TAFA4: variants seen among roughly 807,000 people sequenced by gnomAD.
TAFA4 encodes TAFA chemokine like family member 4, also known as chemokine-like protein TAFA-4.
Under a neutral mutation model 21.1 loss-of-function variants are expected in TAFA4, and 20 were observed. The ratio of observed to expected loss-of-function variants is 0.95; its 90% CI spans 0.67 to 1.38. The LOEUF (loss-of-function observed/expected upper bound fraction) is 1.38, where lower values mean the gene tolerates loss of function less well. TAFA4 is among the 40% of genes most tolerant of loss of function. The pLI, the probability that TAFA4 is intolerant of heterozygous loss-of-function variation, is 0.00. For synonymous variants in TAFA4, 71 were observed against 67.4 expected, an observed-to-expected ratio of 1.05 and a Z score of -0.26; for missense variants, 211 against 180.9, an observed-to-expected ratio of 1.17 and a Z score of -0.95.
intron 3 of TAFA4, among the ~76,000 whole-genome samples, chr3:68,846,513 T>C (rs1379498297): frequency 3.3e-5 from 5 of 152,122 alleles, no homozygotes; most frequent in African/African-American, 1.2e-4. Flanking sequence ...TGAGGCCTAC[T>C]TCTGTCAACT....
intron 3 of TAFA4, among the ~76,000 whole-genome samples, chr3:68,878,494 C>T (rs1335022760): frequency 1.3e-5 from 2 of 152,058 alleles, no homozygotes; most frequent in African/African-American, 2.4e-5. Flanking sequence ...GGCATCTTTC[C>T]ACTGCACAAA....
At chr3:68,926,545 C>T (rs1239792422) in intron 1 of TAFA4, among the ~76,000 whole-genome samples, 1 of 152,190 alleles carries the variant, frequency 6.6e-6, no homozygotes, top group Non-Finnish European at 1.5e-5. Flanking sequence ...AGACACTTTT[C>T]ACTACTCTGG....
At position 68,783,713 on chromosome 3, in the gene TAFA4, A is replaced by AAGAAAGAAAGAAAGAAAG. The variant is rs1553641277; in HGVS notation, c.131-30696_131-30695insCTTTCTTTCTTTCTTTCT. On this transcript the variant is annotated intron_variant, in intron 3 of 5. Transcript: ENST00000295569. ...AGAGAGAGAGAGAGAGAGAGAAAGAAAAAGAAAGAAAGAAAGAAAGAAAGA... is the reference window on the plus strand; with the variant it reads ...AGAGAGAGAGAGAGAGAGAGAAAGAAAGAAAGAAAGAAAGAAAGAAAGAAAGAAAGAAAGAAAGAAAGA... Among the ~76,000 whole-genome samples, 14 of 80,790 alleles carry AAGAAAGAAAGAAAGAAAG rather than the reference A, an allele frequency of 1.7e-4. No homozygotes were observed. In the East Asian group the frequency reaches 1.8e-3, roughly 10 times the overall value. 53.0% of individuals were successfully genotyped at this position (80,790 alleles called of 152,430 possible).
intron 1 of TAFA4, among the ~76,000 whole-genome samples, chr3:68,904,523 T>G (rs1018131378): frequency 6.6e-6 from 1 of 152,232 alleles, no homozygotes; most frequent in South Asian, 2.1e-4. Context: ...ATATTGCAAG[T>G]GTCTACGCAG....
At chr3:68,784,658 A>C (rs1340119699) in intron 3 of TAFA4, among the ~76,000 whole-genome samples, 2 of 152,178 alleles carry the variant, frequency 1.3e-5, no homozygotes, top group Non-Finnish European at 1.5e-5. Context: ...TATTGCAAAG[A>C]GCAAAAGAAC....
intron 3 of TAFA4, 99 bp downstream of exon 3, chr3:68,880,631 T>C: frequency 1.1e-6 from 1 of 937,312 alleles, no homozygotes; most frequent in Non-Finnish European, 1.7e-6. Flanking sequence ...TTACACACCA[T>C]CAGAAGCTCA....
intron 3 of TAFA4, among the ~76,000 whole-genome samples, chr3:68,832,841 C>A (rs1242009806): frequency 6.6e-6 from 1 of 152,226 alleles, no homozygotes; most frequent in Non-Finnish European, 1.5e-5. Context: ...GTGGGCTCTG[C>A]CCAGTTCAAG....
At chr3:68,920,649 T>A (rs1475993055) in intron 1 of TAFA4, among the ~76,000 whole-genome samples, 1 of 150,764 alleles carries the variant, frequency 6.6e-6, no homozygotes, top group Non-Finnish European at 1.5e-5. Flanking sequence ...ATTTTTTTTT[T>A]TTTTTTTTTT....
Position 68,885,252 on chromosome 3 carries a change from A to G in TAFA4, c.-64T>C, listed in dbSNP as rs1194731121. Reference sequence around the variant, plus strand: ...TATTTCAGAGTGACTCCAAATTCCCATCTGTTGCTAGAACCAATCATTTCT... The same window carrying G: ...TATTTCAGAGTGACTCCAAATTCCCGTCTGTTGCTAGAACCAATCATTTCT... On this transcript the variant is annotated 5_prime_UTR_variant, in exon 2 of 6. It removes an upstream start codon present in the reference 5' UTR. Transcript: ENST00000295569. 2 of 1,526,596 alleles carry G rather than the reference A, an allele frequency of 1.3e-6. No individual in the cohort carries two copies. Among genetic ancestry groups the G allele is most frequent in the Non-Finnish European group, 9.0e-7 (1 of 1,109,276 alleles). The allele number at this position is 1,526,596 out of a possible 1,614,324, so 94.6% of individuals were successfully genotyped here. A position where few individuals can be genotyped will look rare whatever the true frequency, so the allele number is the denominator to read the frequency against.
rs78313315 is a variant in TAFA4 at position 68,856,635 on chromosome 3, A to G, written c.130+24095T>C. On this transcript the variant is annotated intron_variant, in intron 3 of 5. Transcript: ENST00000295569. ...GATAATGAGGCAGGAACCTTGAGAT[A>G]AAAAGCAGATATTACAGGTTCCACT... Among the ~76,000 whole-genome samples the G allele has an allele frequency of 2.5e-3, 385 of 152,272 alleles. 2 individuals carry two copies. The highest frequency in any genetic ancestry group is 9.1e-3 in the African/African-American group (378 of 41,570).
chr3:68,752,930 C>A lies in TAFA4; in HGVS notation c.219G>T (p.Thr73=), dbSNP rs774084488. ...NKNRIEERSQ[T]VKCSCFPGQV... Reference sequence around the variant, plus strand: ...GTCCCGGGAAGCAAGAGCACTTGACCGTTTGTGACCGCTCTTCTATGCGGT... The same window carrying A: ...GTCCCGGGAAGCAAGAGCACTTGACAGTTTGTGACCGCTCTTCTATGCGGT... Residue 73 remains threonine, a synonymous_variant, in exon 4 of 6, where the codon ACG becomes ACT. Coordinates refer to ENST00000295569, the MANE Select transcript of TAFA4 (RefSeq NM_182522.5). 1 of 1,614,026 alleles carries A rather than the reference C, an allele frequency of 6.2e-7. No homozygotes were observed. The highest frequency in any genetic ancestry group is 8.5e-7 in the Non-Finnish European group (1 of 1,180,026).
At chr3:68,862,081 G>A (rs2089352274) in intron 3 of TAFA4, among the ~76,000 whole-genome samples, 1 of 151,824 alleles carries the variant, frequency 6.6e-6, no homozygotes, top group Non-Finnish European at 1.5e-5. Flanking sequence ...TGACAGGACA[G>A]CTTCCCAAGT....
At chr3:68,755,970 C>A (rs553619035) in intron 3 of TAFA4, among the ~76,000 whole-genome samples, 1 of 152,140 alleles carries the variant, frequency 6.6e-6, no homozygotes, top group Non-Finnish European at 1.5e-5. Flanking sequence ...GACTACATAG[C>A]CAGGAGCTAC....
intron 3 of TAFA4, among the ~76,000 whole-genome samples, chr3:68,792,570 A>G (rs541113643): frequency 6.6e-6 from 1 of 152,330 alleles, no homozygotes; most frequent in African/African-American, 2.4e-5. Flanking sequence ...CAGATACAAA[A>G]TATGACACAC....
At chr3:68,808,040 A>C (rs1424097875) in intron 3 of TAFA4, among the ~76,000 whole-genome samples, 2 of 151,622 alleles carry the variant, frequency 1.3e-5, no homozygotes, top group African/African-American at 4.8e-5. Flanking sequence ...TATTATGTGT[A>C]AAATTTAGCA....
chr3:68,813,058 C>T (rs1703877402), intron 3 of TAFA4, among the ~76,000 whole-genome samples: 6 of 152,110 alleles, frequency 3.9e-5, no homozygotes, highest in Admixed American at 3.9e-4. Flanking sequence ...AACTGAACAA[C>T]CTGCTCCTGA....
At position 68,794,852 on chromosome 3, in the gene TAFA4, T is replaced by C. The variant is rs142359653; in HGVS notation, c.131-41834A>G. Reference sequence around the variant, plus strand: ...AATACCACTAATGCAGAGAGATAAGTCATAGGAATTGCTCCCAACAAAAAG... The same window carrying C: ...AATACCACTAATGCAGAGAGATAAGCCATAGGAATTGCTCCCAACAAAAAG... On this transcript the variant is annotated intron_variant, in intron 3 of 5. Coordinates refer to ENST00000295569, the MANE Select transcript of TAFA4 (RefSeq NM_182522.5). Among the ~76,000 whole-genome samples the C allele has an allele frequency of 1.3e-4, 19 of 151,776 alleles. No individual in the cohort carries two copies. The East Asian group carries it at 3.5e-3, about 28-fold the overall frequency.
intron 3 of TAFA4, among the ~76,000 whole-genome samples, chr3:68,823,642 C>T (rs1392352251): frequency 6.6e-6 from 1 of 152,116 alleles, no homozygotes; most frequent in Non-Finnish European, 1.5e-5. Context: ...TGTTGTTCCC[C>T]TCCCTGTGTC....
intron 1 of TAFA4, among the ~76,000 whole-genome samples, chr3:68,901,356 G>A (rs1476575088): frequency 6.6e-6 from 1 of 151,936 alleles, no homozygotes; most frequent in African/African-American, 2.4e-5. Flanking sequence ...GGCCTCGCTG[G>A]AGTTCTGTAT....
Sources: gnomAD v4.1 joint callset for allele counts (sites outside exome capture counted in the v4.1 genomes callset) on GRCh38, gnomAD v4.1.1 for gene constraint, MANE v1.5 for transcripts, NCBI Gene and HGNC (gene_info 2026-07-23, HGNC 2026-07-21) for gene names.